GNAL: variants seen among roughly 807,000 people sequenced by gnomAD.
The protein encoded by GNAL is guanine nucleotide-binding protein G(olf) subunit alpha.
A neutral mutation model predicts 55.1 loss-of-function variants in GNAL; 18 were observed. The ratio of observed to expected loss-of-function variants is 0.33; its 90% confidence interval spans 0.23 to 0.48. The LOEUF (loss-of-function observed/expected upper bound fraction) is 0.48, where lower values mean the gene tolerates loss of function less well. Among genes scored for constraint, GNAL ranks in the 20% least tolerant of loss-of-function variants. The pLI is 0.99. For missense variants in GNAL, 412 were observed against 614.1 expected, an observed-to-expected ratio of 0.67 and a Z score of 3.48; for synonymous variants, 253 against 237.0, an observed-to-expected ratio of 1.07 and a Z score of -0.62.
rs574135171 is a variant in GNAL at position 11,833,249 on chromosome 18, C to G, written c.722+8234C>G. ...GTTTCACAATATTGGCCAGGCTGGTCTCGAACTCCTGACCCAAGTGTTCTC... is the reference window on the plus strand; with the variant it reads ...GTTTCACAATATTGGCCAGGCTGGTGTCGAACTCCTGACCCAAGTGTTCTC... On this transcript the variant is annotated intron_variant, in intron 5 of 11. Transcript: ENST00000334049. 1.2e-4 allele frequency among the ~76,000 whole-genome samples: 19 copies of G among 152,162 alleles called. No homozygotes were observed. In the South Asian group the frequency reaches 3.9e-3, roughly 32 times the overall value.
chr18:11,824,357 G>T (rs2035185135), intron 4 of GNAL, among the ~76,000 whole-genome samples: 1 of 151,890 alleles, frequency 6.6e-6, no homozygotes, highest in African/African-American at 2.4e-5. Flanking sequence ...TATTAACTTT[G>T]ATGTAATTTG....
chr18:11,880,054 C>T (rs184667782), intron 11 of GNAL, among the ~76,000 whole-genome samples: 4,439 of 147,798 alleles, frequency 0.03, 151 homozygotes, highest in African/African-American at 0.086. Flanking sequence ...GTCAGGAGTT[C>T]AAGACCAGCC....
intron 1 of GNAL, among the ~76,000 whole-genome samples, chr18:11,743,356 C>T (rs1264173570): frequency 6.6e-6 from 1 of 151,128 alleles, no homozygotes; most frequent in African/African-American, 2.4e-5. Context: ...ATTTACAATG[C>T]AGACCACATT....
chr18:11,712,741 A>G lies in GNAL; in HGVS notation c.376+22802A>G, dbSNP rs2031867387. ...TTCTTAGTTATTCAGTTCTCCCTCT[A>G]CAGGAGCAGAGGACGTGATTAGACC... is the stretch of plus-strand genomic sequence containing the variant. On this transcript the variant is annotated intron_variant, in intron 1 of 11. Transcript: ENST00000334049. Among the ~76,000 whole-genome samples the G allele has an allele frequency of 2.0e-5, 3 of 152,166 alleles. No homozygotes were observed. In the South Asian group the frequency reaches 6.2e-4, roughly 32 times the overall value.
At chr18:11,862,791 G>T (rs1427509168) in intron 6 of GNAL, among the ~76,000 whole-genome samples, 1 of 151,736 alleles carries the variant, frequency 6.6e-6, no homozygotes. Context: ...TTGTGGCCCT[G>T]GGCCTGGGGG....
intron 4 of GNAL, among the ~76,000 whole-genome samples, chr18:11,794,406 A>G (rs1407524983): frequency 6.6e-6 from 1 of 152,248 alleles, no homozygotes; most frequent in Non-Finnish European, 1.5e-5. Context: ...CATCAAAAGG[A>G]ACGAAGTTCT....
At chr18:11,763,530 C>T (rs2033311143) in intron 4 of GNAL, among the ~76,000 whole-genome samples, 1 of 152,032 alleles carries the variant, frequency 6.6e-6, no homozygotes, top group South Asian at 2.1e-4. Context: ...TAGCCCACCA[C>T]CATGCCTGGC....
In GNAL at chr18:11,689,761, C is replaced by T. The variant is rs779349517; in HGVS notation, c.198C>T (p.Pro66=). 4 of 1,516,376 alleles carry T rather than the reference C, an allele frequency of 2.6e-6. No homozygotes were observed. Among genetic ancestry groups the T allele is most frequent in the Admixed American group, 4.1e-5 (2 of 48,294 alleles). The allele number at this position is 1,516,376 out of a possible 1,614,324, so 93.9% of individuals were successfully genotyped here. A position where few individuals can be genotyped will look rare whatever the true frequency, so the allele number is the denominator to read the frequency against. ...AAGGGAGCCCGGCATGCGCTCGGCC[C>T]AAAGCAGACAAGCCGAAGGAGAAGC... is the stretch of plus-strand genomic sequence containing the variant. ...GGEGSPACAR[P]KADKPKEKRQ... The change falls in exon 1 of 12, where the codon CCC becomes CCT. Residue 66 remains proline (P), a synonymous_variant. Transcript: ENST00000334049.
intron 5 of GNAL, among the ~76,000 whole-genome samples, chr18:11,855,127 C>T (rs1461646606): frequency 6.6e-6 from 1 of 152,094 alleles, no homozygotes; most frequent in African/African-American, 2.4e-5. Flanking sequence ...TTAGTAGAGT[C>T]GGGGTTTCAC....
chr18:11,716,226 T>C (rs1048281850), intron 1 of GNAL, among the ~76,000 whole-genome samples: 1 of 152,230 alleles, frequency 6.6e-6, no homozygotes, highest in African/African-American at 2.4e-5. Flanking sequence ...ACTTCAAGAA[T>C]GAAGCCGCGG....
intron 4 of GNAL, among the ~76,000 whole-genome samples, chr18:11,766,476 C>A (rs1481830310): frequency 1.3e-5 from 2 of 152,156 alleles, no homozygotes; most frequent in Non-Finnish European, 2.9e-5. Context: ...CTGCCCAGCA[C>A]CCCCAGAGTC....
At position 11,689,818 on chromosome 18, in the gene GNAL, G is replaced by T; in HGVS notation, c.255G>T (p.Glu85Asp). The T allele has an allele frequency of 6.5e-7, 1 of 1,537,296 alleles. No homozygotes were observed. Among genetic ancestry groups the T allele is most frequent in the Non-Finnish European group, 8.7e-7 (1 of 1,144,992 alleles). ...RQRTEQLSAE[E>D]REAAKEREAV... Reference sequence around the variant, plus strand: ...GCACCGAGCAGCTGAGTGCCGAGGAGCGCGAGGCGGCCAAGGAGCGCGAGG... The same window carrying T: ...GCACCGAGCAGCTGAGTGCCGAGGATCGCGAGGCGGCCAAGGAGCGCGAGG... Residue 85 changes from glutamate (E) to aspartate (D), a missense_variant, in exon 1 of 12, where the codon GAG becomes GAT. Transcript: ENST00000334049.
At chr18:11,859,901 C>G (rs899767931) in intron 5 of GNAL, among the ~76,000 whole-genome samples, 6 of 152,064 alleles carry the variant, frequency 3.9e-5, no homozygotes, top group Admixed American at 2.0e-4. Context: ...ATGCGTGCCA[C>G]CACACCTGGC....
intron 1 of GNAL, among the ~76,000 whole-genome samples, chr18:11,744,745 C>G (rs1050732881): frequency 1.3e-5 from 2 of 152,244 alleles, no homozygotes; most frequent in Non-Finnish European, 2.9e-5. Context: ...GAGTCTCGCT[C>G]TCTCACCCAG....
intron 4 of GNAL, among the ~76,000 whole-genome samples, chr18:11,766,822 C>T (rs2033421360): frequency 6.6e-6 from 1 of 152,194 alleles, no homozygotes. Context: ...CTGCAGACTT[C>T]CTCACTGAGG....
intron 4 of GNAL, among the ~76,000 whole-genome samples, chr18:11,794,512 A>G (rs770580472): frequency 3.3e-5 from 5 of 152,312 alleles, no homozygotes; most frequent in South Asian, 2.1e-4. Flanking sequence ...AAGCATATGA[A>G]ATGTCCAGAA....
Position 11,727,368 on chromosome 18 carries a change from CAGCTACCTTTTCAAATAA to C in GNAL, c.377-25483_377-25466del, listed in dbSNP as rs111563654. 2.5e-3 allele frequency among the ~76,000 whole-genome samples: 376 copies of C among 152,338 alleles called. 2 individuals are homozygous for C. Among genetic ancestry groups the C allele is most frequent in the African/African-American group, 8.4e-3 (350 of 41,584 alleles). On this transcript the variant is annotated intron_variant, in intron 1 of 11. Transcript: ENST00000334049. The stretch of plus-strand genomic sequence containing the variant: ...GCCGTCTTTTTATTTCTTTATCTAC[CAGCTACCTTTTCAAATAA>C]ATGTGAGCCCTGGAGTTTGAGACCA...
intron 1 of GNAL, among the ~76,000 whole-genome samples, chr18:11,748,196 T>C (rs1475437233): frequency 6.6e-6 from 1 of 152,240 alleles, no homozygotes; most frequent in African/African-American, 2.4e-5. Context: ...GCATTTTTCA[T>C]GAGAAATGTC....
chr18:11,752,353 C>T lies in GNAL; in HGVS notation c.377-500C>T, dbSNP rs2032874988. On this transcript the variant is annotated intron_variant, in intron 1 of 11. Transcript: ENST00000334049. This position sits in a 1 kb window ranked among gnomAD's most constrained non-coding sequence, Gnocchi z 4.5. ...GCAGCAGGAAAGAGAGGAGCCGTCG[C>T]AGGAGCCGCACACGTCTCCAACTCT... 6.6e-7 allele frequency: 1 copy of T among 1,504,176 alleles called. No individual in the cohort carries two copies. Among genetic ancestry groups the T allele is most frequent in the Non-Finnish European group, 8.8e-7 (1 of 1,130,798 alleles). The allele number at this position is 1,504,176 out of a possible 1,614,324, so 93.2% of individuals were successfully genotyped here.
Sources: allele counts gnomAD v4.1 joint callset (sites outside exome capture counted in the v4.1 genomes callset), GRCh38; gene constraint gnomAD v4.1.1; non-coding constraint Gnocchi (gnomAD v3.1); transcripts MANE v1.5; gene names NCBI Gene and HGNC (gene_info 2026-07-23, HGNC 2026-07-21).